The following ETV7 variants were observed in gnomAD, a reference collection of about 807,000 sequenced individuals.
ETV7 encodes the protein ETS variant transcription factor 7, also known as transcription factor ETV7.
In ETV7, 43 loss-of-function variants were observed where a neutral mutation model predicts 39.1. The observed-to-expected ratio is 1.10, with a 90% CI of 0.86 to 1.42. The LOEUF is 1.42. ETV7 is among the 40% of genes most tolerant of loss of function. ETV7 has a pLI of 0.00. For missense variants in ETV7, 432 were observed against 442.3 expected (o/e 0.98, Z 0.21); for synonymous variants, 196 against 176.6 (o/e 1.11, Z -0.87).
At chr6:36,354,662 A>G (rs1772292279) in exon 8 of ETV7, 4 of 699,580 alleles carry the variant, frequency 5.7e-6, no homozygotes, top group African/African-American at 1.7e-5. Context: ...CTCCATATGA[A>G]TATGAAGATC....
chr6:36,383,097 G>A (rs925205874), intron 2 of ETV7, among the ~76,000 whole-genome samples: 1 of 152,130 alleles, frequency 6.6e-6, no homozygotes, highest in African/African-American at 2.4e-5. Context: ...TGTGATATCA[G>A]CCCAGTTCTG....
chr6:36,370,468 G>A (rs989628043), intron 5 of ETV7, among the ~76,000 whole-genome samples: 1 of 152,140 alleles, frequency 6.6e-6, no homozygotes, highest in Non-Finnish European at 1.5e-5. Flanking sequence ...CCGGGAGGCA[G>A]AGGATGCAGT....
intron 6 of ETV7, among the ~76,000 whole-genome samples, chr6:36,367,871 A>C (rs577227886): frequency 1.3e-5 from 2 of 152,228 alleles, no homozygotes; most frequent in Non-Finnish European, 2.9e-5. Flanking sequence ...CCATCGCATA[A>C]GTCAAGGATT....
chr6:36,378,011 T>C (rs1430358576), intron 2 of ETV7, among the ~76,000 whole-genome samples: 1 of 152,156 alleles, frequency 6.6e-6, no homozygotes, highest in African/African-American at 2.4e-5. Context: ...AGAATACATG[T>C]GAGAACTGGC....
chr6:36,367,842 A>G (rs976872036), intron 6 of ETV7, among the ~76,000 whole-genome samples: 2 of 152,152 alleles, frequency 1.3e-5, no homozygotes, highest in African/African-American at 2.4e-5. Context: ...CCCCAGCTAC[A>G]TAATGAAAAG....
chr6:36,359,554 CAT>C (rs1382133799), intron 7 of ETV7, among the ~76,000 whole-genome samples: 5 of 152,206 alleles, frequency 3.3e-5, no homozygotes, highest in Non-Finnish European at 5.9e-5. Flanking sequence ...CCTGCTTACA[CAT>C]GTTTTTTACA....
downstream of ETV7, chr6:36,366,063 A>T: frequency 2.6e-6 from 1 of 390,952 alleles, no homozygotes; most frequent in Non-Finnish European, 3.5e-6. Flanking sequence ...AATCCCAGCT[A>T]CTCCGGAGGC....
At chr6:36,354,302 G>T in exon 8 of ETV7, 1 of 162,130 alleles carries the variant, frequency 6.2e-6, no homozygotes, top group African/African-American at 2.4e-5. Context: ...TTATTCTTTT[G>T]GTGTTATATT....
At chr6:36,364,980 G>A (rs1374613976), downstream of ETV7, among the ~76,000 whole-genome samples, 2 of 152,196 alleles carry the variant, frequency 1.3e-5, no homozygotes, top group Non-Finnish European at 2.9e-5. Context: ...GAGTTTCCCT[G>A]CTCATGGGCT....
chr6:36,376,072 C>A (rs375948383), intron 2 of ETV7, 37 bp from the exon 3 acceptor site: 1 of 1,564,170 alleles, frequency 6.4e-7, no homozygotes, highest in South Asian at 1.1e-5. Context: ...CACTCCCCGT[C>A]GGGCCTCCTC....
At chr6:36,356,734 G>A (rs572013455) in intron 7 of ETV7, among the ~76,000 whole-genome samples, 67 of 152,354 alleles carry the variant, frequency 4.4e-4, no homozygotes, top group African/African-American at 1.6e-3. Flanking sequence ...CTGTGATGGA[G>A]TAGGAAAAGA....
At chr6:36,356,158 G>A (rs1377466988) in intron 7 of ETV7, among the ~76,000 whole-genome samples, 1 of 151,900 alleles carries the variant, frequency 6.6e-6, no homozygotes, top group African/African-American at 2.4e-5. Context: ...ATGTGGCTGG[G>A]CACAGTGGCT....
downstream of ETV7, among the ~76,000 whole-genome samples, chr6:36,365,847 C>T (rs1309866468): frequency 6.6e-6 from 1 of 152,132 alleles, no homozygotes; most frequent in Non-Finnish European, 1.5e-5. Flanking sequence ...CCACAAGGCC[C>T]TTAGCACAAG....
At chr6:36,377,896 G>A (rs1012947680) in intron 2 of ETV7, among the ~76,000 whole-genome samples, 32 of 152,166 alleles carry the variant, frequency 2.1e-4, no homozygotes, top group African/African-American at 7.5e-4. Flanking sequence ...CCCAGTTTAA[G>A]AGTGAGGAAA....
At chr6:36,367,457 GAAGGAAGGAAGGAAGGCGA>G (rs1175690870) in intron 6 of ETV7, among the ~76,000 whole-genome samples, 6 of 150,982 alleles carry the variant, frequency 4.0e-5, no homozygotes, top group Non-Finnish European at 8.8e-5. Flanking sequence ...AGAAAGAAAG[GAAGGAAGGAAGGAAGGCGA>G]AAGGAAGGAA....
chr6:36,355,186 G>A (rs1451523938), intron 7 of ETV7, among the ~76,000 whole-genome samples: 6 of 152,082 alleles, frequency 3.9e-5, no homozygotes, highest in Non-Finnish European at 8.8e-5. Flanking sequence ...GCATCTAGTC[G>A]TTCACCATTA....
chr6:36,383,836 T>C (rs1231800339), intron 2 of ETV7, among the ~76,000 whole-genome samples: 1 of 152,232 alleles, frequency 6.6e-6, no homozygotes, highest in Admixed American at 6.5e-5. Context: ...GAATCTAAGA[T>C]GACAGGTATA....
At chr6:36,367,546 A>C (rs1187626675) in intron 6 of ETV7, among the ~76,000 whole-genome samples, 7 of 152,226 alleles carry the variant, frequency 4.6e-5, no homozygotes, top group Admixed American at 4.6e-4. Flanking sequence ...ATAGTGTGGG[A>C]GTGAACTGCA....
chr6:36,361,090 A>G (rs1000388563), intron 7 of ETV7, among the ~76,000 whole-genome samples: 5 of 152,150 alleles, frequency 3.3e-5, no homozygotes, highest in African/African-American at 1.2e-4. Flanking sequence ...TGAGCAATTA[A>G]CTCAAAAGGA....
Sources: gnomAD v4.1 joint callset for allele counts (sites outside exome capture counted in the v4.1 genomes callset) on GRCh38, gnomAD v4.1.1 for gene constraint, MANE v1.5 for transcripts, NCBI Gene and HGNC (gene_info 2026-07-23, HGNC 2026-07-21) for gene names.